The following DPF3 variants were observed in gnomAD, a reference collection of about 807,000 sequenced individuals.
DPF3 encodes double PHD fingers 3.
A neutral mutation model predicts 56.8 loss-of-function variants in DPF3; 18 were observed. The ratio of observed to expected loss-of-function variants is 0.32; its 90% confidence interval spans 0.22 to 0.47. The LOEUF is 0.47. Ranked by LOEUF, DPF3 falls within the 20% of genes least tolerant of loss-of-function variation. DPF3 has a pLI of 1.00. For synonymous variants in DPF3, 188 were observed against 180.2 expected (o/e 1.04, Z -0.35); for missense variants, 403 against 488.8 (o/e 0.82, Z 1.65).
At chr14:72,765,921 A>G (rs1307637695) in intron 2 of DPF3, among the ~76,000 whole-genome samples, 2 of 152,330 alleles carry the variant, frequency 1.3e-5, no homozygotes, top group East Asian at 1.9e-4. Flanking sequence ...CTCAAAAAAA[A>G]ACAAAAGGGA....
At chr14:72,787,054 G>A (rs1344670605) in intron 1 of DPF3, among the ~76,000 whole-genome samples, 1 of 152,214 alleles carries the variant, frequency 6.6e-6, no homozygotes, top group Non-Finnish European at 1.5e-5. Flanking sequence ...GATTTTCTCT[G>A]TCAAAGGCGA....
At chr14:72,842,760 A>C (rs1172049412) in intron 1 of DPF3, among the ~76,000 whole-genome samples, 1 of 152,256 alleles carries the variant, frequency 6.6e-6, no homozygotes, top group African/African-American at 2.4e-5. Flanking sequence ...ATGGTGGCTC[A>C]CACTGGTAAT....
chr14:72,782,854 A>C (rs143508437), intron 1 of DPF3, among the ~76,000 whole-genome samples: 1 of 152,046 alleles, frequency 6.6e-6, no homozygotes, highest in East Asian at 1.9e-4. Context: ...AAAAGTGGAA[A>C]TCAGGCCATG....
intron 1 of DPF3, among the ~76,000 whole-genome samples, chr14:72,840,780 C>A (rs1019787384): frequency 1.3e-5 from 2 of 152,188 alleles, no homozygotes; most frequent in African/African-American, 4.8e-5. Context: ...CAATAAATTC[C>A]TTGACAGTAT....
chr14:72,714,535 C>T (rs1226454168), intron 5 of DPF3, 34 bp from the exon 6 acceptor site: 5 of 1,611,618 alleles, frequency 3.1e-6, no homozygotes, highest in Admixed American at 3.3e-5. Flanking sequence ...ATGCTTGTTA[C>T]CATGGTCATC....
intron 7 of DPF3, among the ~76,000 whole-genome samples, chr14:72,678,509 T>G (rs1372733628): frequency 6.6e-6 from 1 of 152,186 alleles, no homozygotes; most frequent in Admixed American, 6.5e-5. Context: ...ATGAAGGAAT[T>G]TTTTTAAGTA....
intron 8 of DPF3, among the ~76,000 whole-genome samples, chr14:72,631,283 T>A: frequency 6.6e-6 from 1 of 152,196 alleles, no homozygotes; most frequent in East Asian, 1.9e-4. Flanking sequence ...TCTGAACTAA[T>A]AACCCTCTCA....
chr14:72,850,960 C>G (rs1038024828), intron 1 of DPF3, among the ~76,000 whole-genome samples: 1 of 152,220 alleles, frequency 6.6e-6, no homozygotes. Flanking sequence ...ATCAGTCCCA[C>G]TGCCCCATCT....
chr14:72,890,476 G>C (rs903611905), intron 1 of DPF3, among the ~76,000 whole-genome samples: 6 of 103,596 alleles, frequency 5.8e-5, no homozygotes, highest in Non-Finnish European at 9.9e-5. Context: ...GGGCAACAGA[G>C]CAACACCCTG....
At chr14:72,886,265 G>A (rs575206990) in intron 1 of DPF3, among the ~76,000 whole-genome samples, 18 of 152,244 alleles carry the variant, frequency 1.2e-4, no homozygotes, top group East Asian at 9.7e-4. Context: ...CCAGCTACTC[G>A]GGAGACTGAG....
At chr14:72,684,550 C>A (rs1887319771) in intron 7 of DPF3, among the ~76,000 whole-genome samples, 2 of 150,906 alleles carry the variant, frequency 1.3e-5, no homozygotes, top group Non-Finnish European at 3.0e-5. Context: ...AAAATGAGAG[C>A]CAGGAAAGAC....
intron 1 of DPF3, among the ~76,000 whole-genome samples, chr14:72,835,583 C>T (rs1884256941): frequency 6.6e-6 from 1 of 152,158 alleles, no homozygotes; most frequent in Non-Finnish European, 1.5e-5. Context: ...GCAGCAGGAG[C>T]TCCAGATATT....
At chr14:72,644,243 G>T (rs1169198401) in intron 8 of DPF3, among the ~76,000 whole-genome samples, 1 of 152,244 alleles carries the variant, frequency 6.6e-6, no homozygotes, top group South Asian at 2.1e-4. Context: ...ATCTGGCGTC[G>T]TATTACCTCT....
intron 6 of DPF3, among the ~76,000 whole-genome samples, chr14:72,706,008 T>C (rs115941957): frequency 0.015 from 2,273 of 152,312 alleles, 82 homozygotes; most frequent in African/African-American, 0.053. Context: ...ATTCACTATG[T>C]GACCTCAGGA....
intron 4 of DPF3, chr14:72,723,948 C>T (rs550158028): frequency 1.6e-4 from 73 of 463,484 alleles, no homozygotes; most frequent in African/African-American, 1.4e-3. Context: ...CCAGACAAGT[C>T]CTCCCAGAAC....
chr14:72,733,685 G>A (rs1287776616), intron 3 of DPF3, among the ~76,000 whole-genome samples: 1 of 152,110 alleles, frequency 6.6e-6, no homozygotes, highest in Non-Finnish European at 1.5e-5. Flanking sequence ...CTCCGAGCAG[G>A]GTGAAGACGG....
At chr14:72,855,356 A>T (rs1701350300) in intron 1 of DPF3, among the ~76,000 whole-genome samples, 1 of 152,240 alleles carries the variant, frequency 6.6e-6, no homozygotes, top group African/African-American at 2.4e-5. Context: ...TTTCACATGT[A>T]CCATCTCATC....
chr14:72,765,381 T>C (rs1036455619), intron 2 of DPF3, among the ~76,000 whole-genome samples: 1 of 152,192 alleles, frequency 6.6e-6, no homozygotes, highest in Admixed American at 6.5e-5. Flanking sequence ...TCTTATGATC[T>C]AGTTGTTCTA....
chr14:72,781,892 G>A (rs1216860625), intron 1 of DPF3, among the ~76,000 whole-genome samples: 1 of 152,134 alleles, frequency 6.6e-6, no homozygotes, highest in East Asian at 1.9e-4. Flanking sequence ...GCTTTATCTA[G>A]GGTGAATCAT....
Sources: allele counts gnomAD v4.1 joint callset (sites outside exome capture counted in the v4.1 genomes callset), GRCh38; gene constraint gnomAD v4.1.1; transcripts MANE v1.5; gene names NCBI Gene and HGNC (gene_info 2026-07-23, HGNC 2026-07-21).